Variants in MTMR2 observed in about 807,000 individuals in gnomAD.
MTMR2 encodes phosphatidylinositol-3,5-bisphosphate 3-phosphatase MTMR2.
MTMR2 carries 55 observed loss-of-function variants against 86.9 expected under a neutral mutation model. The observed-to-expected ratio is 0.63, with a 90% CI of 0.51 to 0.79. The LOEUF (loss-of-function observed/expected upper bound fraction) is 0.79, where lower values mean the gene tolerates loss of function less well. MTMR2 is among the 30% of genes least tolerant of loss of function. The pLI is 0.00. For synonymous variants in MTMR2, 241 were observed against 266.8 expected, an observed-to-expected ratio of 0.90 and a Z score of 0.94; for missense variants, 659 against 772.3, an observed-to-expected ratio of 0.85 and a Z score of 1.74.
chr11:95,920,628 C>A (rs552318937), intron 1 of MTMR2, among the ~76,000 whole-genome samples: 2 of 151,910 alleles, frequency 1.3e-5, no homozygotes, highest in Non-Finnish European at 2.9e-5. Context: ...TAACTGGAGA[C>A]AAGAGAACTC....
chr11:95,872,416 T>C (rs1193487051), intron 2 of MTMR2, among the ~76,000 whole-genome samples: 2 of 152,206 alleles, frequency 1.3e-5, no homozygotes, highest in African/African-American at 4.8e-5. Context: ...TGGCTGTTTG[T>C]CTGTTATTGG....
chr11:95,870,503 A>G (rs1038481111), intron 2 of MTMR2, among the ~76,000 whole-genome samples: 3 of 152,162 alleles, frequency 2.0e-5, no homozygotes, highest in Non-Finnish European at 4.4e-5. Flanking sequence ...AATATGATAC[A>G]TTGGAAAAGT....
At chr11:95,899,156 T>C (rs1865984627) in intron 1 of MTMR2, among the ~76,000 whole-genome samples, 1 of 152,138 alleles carries the variant, frequency 6.6e-6, no homozygotes, top group South Asian at 2.1e-4. Flanking sequence ...AGGAGATCTT[T>C]TCCAGTCAGT....
chr11:95,872,825 C>T (rs1209743395), intron 2 of MTMR2, among the ~76,000 whole-genome samples: 5 of 151,948 alleles, frequency 3.3e-5, no homozygotes, highest in Admixed American at 6.6e-5. Context: ...TAGCATGAAG[C>T]GTTGTTGAAT....
At chr11:95,846,579 G>C (rs1863802917) in intron 10 of MTMR2, among the ~76,000 whole-genome samples, 1 of 152,188 alleles carries the variant, frequency 6.6e-6, no homozygotes, top group Non-Finnish European at 1.5e-5. Flanking sequence ...AACTTTCTTT[G>C]TGTGATAAGG....
At chr11:95,919,027 G>A (rs996517534) in intron 1 of MTMR2, among the ~76,000 whole-genome samples, 8 of 152,092 alleles carry the variant, frequency 5.3e-5, no homozygotes, top group Admixed American at 2.6e-4. Flanking sequence ...TGCAGAGACA[G>A]TGTTCTGCCA....
At chr11:95,915,160 A>C (rs1866652238) in intron 1 of MTMR2, among the ~76,000 whole-genome samples, 1 of 152,136 alleles carries the variant, frequency 6.6e-6, no homozygotes, top group African/African-American at 2.4e-5. Flanking sequence ...GAGAACAGAG[A>C]ACAAAATTTT....
chr11:95,848,077 T>G (rs2135435065), intron 9 of MTMR2, among the ~76,000 whole-genome samples, 178 bp from the exon 10 acceptor site: 1 of 152,350 alleles, frequency 6.6e-6, no homozygotes, highest in South Asian at 2.1e-4. Context: ...TTTCTTGTGT[T>G]CTTCTTTACA....
chr11:95,908,341 G>A (rs148159079), intron 1 of MTMR2, among the ~76,000 whole-genome samples: 33 of 152,136 alleles, frequency 2.2e-4, no homozygotes, highest in African/African-American at 7.7e-4. Flanking sequence ...AATCAAAGAC[G>A]ATGCAAGCAA....
At chr11:95,917,801 A>C (rs1347487386) in intron 1 of MTMR2, among the ~76,000 whole-genome samples, 1 of 152,156 alleles carries the variant, frequency 6.6e-6, no homozygotes, top group Admixed American at 6.5e-5. Flanking sequence ...GAGGAAAAGG[A>C]GGGGTTGGTC....
At chr11:95,841,737 A>C in intron 11 of MTMR2, 28 bp from the exon 12 acceptor site, 1 of 1,465,202 alleles carries the variant, frequency 6.8e-7, no homozygotes, top group East Asian at 2.3e-5. Flanking sequence ...AAATATATGA[A>C]CTTAGGGGGA....
chr11:95,896,549 A>T (rs1384892492), intron 1 of MTMR2, among the ~76,000 whole-genome samples: 2 of 152,092 alleles, frequency 1.3e-5, no homozygotes, highest in Non-Finnish European at 1.5e-5. Context: ...TTTGCTCAAC[A>T]TTCTACTCCT....
At chr11:95,873,712 A>G (rs1254688) in intron 2 of MTMR2, among the ~76,000 whole-genome samples, 85,861 of 151,092 alleles carry the variant, frequency 0.57, 26,348 homozygotes, top group African/African-American at 0.81. Flanking sequence ...AGATCTTTCC[A>G]CTTTCTCTTG....
intron 11 of MTMR2, among the ~76,000 whole-genome samples, chr11:95,844,624 G>C (rs1019760208): frequency 1.3e-5 from 2 of 152,106 alleles, no homozygotes; most frequent in Non-Finnish European, 2.9e-5. Context: ...ATTACAGACA[G>C]CATCTGGGTA....
intron 1 of MTMR2, among the ~76,000 whole-genome samples, chr11:95,906,297 A>T (rs1866272910): frequency 1.3e-5 from 2 of 152,186 alleles, no homozygotes; most frequent in Admixed American, 6.6e-5. Flanking sequence ...GCATTATATT[A>T]TTATACCCAT....
intron 13 of MTMR2, among the ~76,000 whole-genome samples, chr11:95,837,530 C>A (rs1038393007): frequency 1.3e-5 from 2 of 151,926 alleles, no homozygotes; most frequent in African/African-American, 4.8e-5. Flanking sequence ...AATCCTTACA[C>A]CATTTCTTCT....
intron 11 of MTMR2, among the ~76,000 whole-genome samples, chr11:95,844,627 T>A (rs1485263948): frequency 6.6e-6 from 1 of 152,146 alleles, no homozygotes; most frequent in East Asian, 1.9e-4. Flanking sequence ...ACAGACAGCA[T>A]CTGGGTAAAG....
intron 7 of MTMR2, 146 bp from the exon 8 acceptor site, chr11:95,850,895 C>G: frequency 1.3e-6 from 1 of 747,872 alleles, no homozygotes; most frequent in African/African-American, 1.8e-5. Flanking sequence ...CCTGTGGTAT[C>G]AGGCTTTCAG....
At chr11:95,923,405 G>T (rs1867004744) in intron 1 of MTMR2, among the ~76,000 whole-genome samples, 1 of 152,062 alleles carries the variant, frequency 6.6e-6, no homozygotes, top group African/African-American at 2.4e-5. Context: ...AATTAAGAAG[G>T]TGAAGCCATG....
Sources: gnomAD v4.1 joint callset for allele counts (sites outside exome capture counted in the v4.1 genomes callset) on GRCh38, gnomAD v4.1.1 for gene constraint, MANE v1.5 for transcripts, NCBI Gene and HGNC (gene_info 2026-07-23, HGNC 2026-07-21) for gene names.